Variants in POTEE observed in about 807,000 individuals in gnomAD.
POTEE encodes the protein POTE ankyrin domain family member E.
A neutral mutation model predicts 74.2 loss-of-function variants in POTEE; 21 were observed. The observed-to-expected ratio is 0.28, with a 90% CI of 0.20 to 0.41. The LOEUF is 0.41. Ranked by LOEUF, POTEE falls within the 10% of genes least tolerant of loss-of-function variation. The pLI, the probability that POTEE is intolerant of heterozygous loss-of-function variation, is 1.00. For missense variants in POTEE, 525 were observed against 1,158.6 expected, an observed-to-expected ratio of 0.45 and a Z score of 7.94; for synonymous variants, 211 against 432.8, an observed-to-expected ratio of 0.49 and a Z score of 6.36.
chr2:131,230,112 G>A (rs1316763857), intron 8 of POTEE, among the ~76,000 whole-genome samples: 1 of 151,860 alleles, frequency 6.6e-6, no homozygotes, highest in Non-Finnish European at 1.5e-5. Context: ...TTCTGCCCTT[G>A]GTGTGATTGA....
chr2:131,226,042 T>A (rs1458589776), intron 6 of POTEE, among the ~76,000 whole-genome samples: 2 of 152,192 alleles, frequency 1.3e-5, no homozygotes, highest in Non-Finnish European at 2.9e-5. Flanking sequence ...CTTAGGTCAG[T>A]AAGTCGTTAA....
intron 3 of POTEE, among the ~76,000 whole-genome samples, 78 bp downstream of exon 3, chr2:131,217,761 C>CCGCACGCGCACGCCGCACG (rs1224798023): frequency 6.3e-4 from 8 of 12,742 alleles, no homozygotes; most frequent in East Asian, 4.1e-3. Context: ...ACGCCGCACG[C>CCGCACGCGCACGCCGCACG]CGCACGCGCA....
intron 4 of POTEE, among the ~76,000 whole-genome samples, chr2:131,220,378 GTATTTT>G (rs111550661): frequency 1.9e-4 from 29 of 151,590 alleles, no homozygotes; most frequent in African/African-American, 6.8e-4. Context: ...TAATTGCTTT[GTATTTT>G]TAGTAGAGAT....
chr2:131,220,979 A>G (rs1700599503), intron 4 of POTEE, among the ~76,000 whole-genome samples: 1 of 151,624 alleles, frequency 6.6e-6, no homozygotes, highest in African/African-American at 2.4e-5. Context: ...AAAAAGAAAA[A>G]AAAAAAGGAA....
intron 2 of POTEE, among the ~76,000 whole-genome samples, chr2:131,214,329 T>G (rs932323488): frequency 6.6e-6 from 1 of 152,242 alleles, no homozygotes; most frequent in Non-Finnish European, 1.5e-5. Flanking sequence ...ATGTATTTAT[T>G]ATAAGAAATG....
chr2:131,248,663 T>G (rs1457506242), intron 13 of POTEE, among the ~76,000 whole-genome samples: 2 of 149,090 alleles, frequency 1.3e-5, no homozygotes, highest in Non-Finnish European at 3.0e-5. Context: ...ATGTGCATCA[T>G]CGTCCGTGAC....
chr2:131,263,951 G>T lies in POTEE; in HGVS notation c.2496G>T (p.Met832Ile), dbSNP rs1404653705. The T allele has an allele frequency of 1.2e-6, 2 of 1,614,102 alleles. No homozygotes were observed. Among genetic ancestry groups the T allele is most frequent in the Non-Finnish European group, 1.7e-6 (2 of 1,180,050 alleles). ...TTGAGACCTTCAACACCCCAGCCAT[G>T]TACGTGGCCATCCAGGCCGTGCCGT... ...IMFETFNTPA[M>I]YVAIQAVPSL... is the part of the protein sequence containing the mutation. The change falls in exon 18 of 18, where the codon ATG becomes ATT. Residue 832 changes from methionine to isoleucine, a missense_variant. Coordinates refer to ENST00000683005, the MANE Select transcript of POTEE (RefSeq NM_001083538.3).
At chr2:131,229,324 A>C (rs558737856) in intron 8 of POTEE, among the ~76,000 whole-genome samples, 1 of 151,642 alleles carries the variant, frequency 6.6e-6, no homozygotes, top group African/African-American at 2.4e-5. Flanking sequence ...ACTGTGAGGC[A>C]CCTTTATATC....
At chr2:131,221,071 A>G (rs1159986989) in intron 4 of POTEE, among the ~76,000 whole-genome samples, 1 of 152,218 alleles carries the variant, frequency 6.6e-6, no homozygotes, top group Non-Finnish European at 1.5e-5. Flanking sequence ...TTAAATTGCT[A>G]CAGCTTTTCA....
intron 6 of POTEE, among the ~76,000 whole-genome samples, chr2:131,225,685 A>G (rs1700762458): frequency 7.6e-6 from 1 of 131,144 alleles, no homozygotes; most frequent in Non-Finnish European, 1.6e-5. Context: ...CTCCAACCTC[A>G]GTTTTTTTTT....
intron 8 of POTEE, among the ~76,000 whole-genome samples, chr2:131,229,980 C>T (rs1700898981): frequency 6.6e-6 from 1 of 152,050 alleles, no homozygotes; most frequent in South Asian, 2.1e-4. Flanking sequence ...TTTTGGTCTC[C>T]CATGTCAGCT....
chr2:131,217,771 ACGCCGCACGCG>A, intron 3 of POTEE, among the ~76,000 whole-genome samples, 88 bp downstream of exon 3: 1 of 146,334 alleles, frequency 6.8e-6, no homozygotes, highest in Non-Finnish European at 1.5e-5. Context: ...CCGCACGCGC[ACGCCGCACGCG>A]CACGCGCACG....
intron 10 of POTEE, among the ~76,000 whole-genome samples, chr2:131,237,704 A>C (rs1462534978): frequency 6.6e-6 from 1 of 152,102 alleles, no homozygotes; most frequent in African/African-American, 2.4e-5. Context: ...CTAATAATTT[A>C]AATGGTGCCT....
chr2:131,219,724 G>A (rs1298636635), intron 4 of POTEE, among the ~76,000 whole-genome samples: 12 of 151,110 alleles, frequency 7.9e-5, no homozygotes, highest in Non-Finnish European at 1.5e-4. Context: ...GCGACAGAGC[G>A]AGACTCCCTT....
intron 9 of POTEE, among the ~76,000 whole-genome samples, chr2:131,234,050 A>G (rs1343180043): frequency 2.0e-5 from 3 of 151,106 alleles, no homozygotes; most frequent in Non-Finnish European, 4.4e-5. Context: ...GACTCTCACT[A>G]ATAAGACTTG....
intron 9 of POTEE, among the ~76,000 whole-genome samples, chr2:131,235,810 A>AAAAG (rs1418168057): frequency 2.6e-5 from 4 of 151,022 alleles, no homozygotes; most frequent in South Asian, 4.2e-4. Flanking sequence ...AAAAAAAAAA[A>AAAAG]AAAGAAAGAA....
chr2:131,211,540 G>GTGTGTGTGTGTGTGTGTGTGT lies in POTEE; in HGVS notation c.-189+357_-189+358insTGTGTGTGTGTGTGTGTGTGT, dbSNP rs70994742. On this transcript the variant is annotated intron_variant, in intron 2 of 17. Transcript: ENST00000683005. Reference sequence around the variant, plus strand: ...GGTGACTGTGTGTGTGTGTGTGTGTGGCTTTTTTTTTTTTTTTTTTTTTTT... The same window carrying GTGTGTGTGTGTGTGTGTGTGT: ...GGTGACTGTGTGTGTGTGTGTGTGTGTGTGTGTGTGTGTGTGTGTGTGCTTTTTTTTTTTTTTTTTTTTTTT... 2.8e-3 allele frequency among the ~76,000 whole-genome samples: 181 copies of GTGTGTGTGTGTGTGTGTGTGT among 65,388 alleles called. 10 individuals carry two copies. The highest frequency in any genetic ancestry group is 3.9e-3 in the East Asian group (8 of 2,034). 42.9% of individuals were successfully genotyped at this position (65,388 alleles called of 152,430 possible). A position where few individuals can be genotyped will look rare whatever the true frequency, so the allele number is the denominator to read the frequency against.
chr2:131,239,851 C>T (rs1203375918), intron 12 of POTEE, among the ~76,000 whole-genome samples: 2 of 152,326 alleles, frequency 1.3e-5, no homozygotes, highest in South Asian at 2.1e-4. Context: ...TCAAGTAGAC[C>T]CTGGTGCCTG....
At chr2:131,262,095 A>G (rs1447322804) in intron 17 of POTEE, among the ~76,000 whole-genome samples, 1 of 124,420 alleles carries the variant, frequency 8.0e-6, no homozygotes, top group African/African-American at 2.5e-5. Flanking sequence ...GATGTTTTTC[A>G]TAAGAATTGA....
Sources: gnomAD v4.1 joint callset for allele counts (sites outside exome capture counted in the v4.1 genomes callset) on GRCh38, gnomAD v4.1.1 for gene constraint, MANE v1.5 for transcripts, NCBI Gene and HGNC (gene_info 2026-07-23, HGNC 2026-07-21) for gene names.